The following LSM14A variants were observed in gnomAD, a reference collection of about 807,000 sequenced individuals.
LSM14A encodes the protein protein LSM14 homolog A.
In LSM14A, 14 loss-of-function variants were observed where a neutral mutation model predicts 52.4. That is an observed-to-expected ratio of 0.27 (90% confidence interval 0.18 to 0.42). LSM14A has a LOEUF of 0.42. Among genes scored for constraint, LSM14A ranks in the 10% least tolerant of loss-of-function variants. The pLI is 1.00. For synonymous variants in LSM14A, 185 were observed against 200.3 expected (o/e 0.92, Z 0.64); for missense variants, 417 against 581.8 (o/e 0.72, Z 2.91).
At chr19:34,215,071 A>T in intron 4 of LSM14A, 53 bp from the exon 5 acceptor site, 1 of 1,459,664 alleles carries the variant, frequency 6.9e-7, no homozygotes, top group South Asian at 1.3e-5. Context: ...TAGGGTCTAG[A>T]TTATTTTGAA....
At chr19:34,219,629 A>G (rs1568500298) in intron 7 of LSM14A, 56 bp downstream of exon 7, 1 of 1,561,128 alleles carries the variant, frequency 6.4e-7, no homozygotes, top group Admixed American at 1.8e-5. Context: ...TGAATTACAG[A>G]TGTTTCTCAG....
At chr19:34,226,428 C>T (rs1277426346) in intron 9 of LSM14A, 2 of 1,508,770 alleles carry the variant, frequency 1.3e-6, no homozygotes, top group East Asian at 2.5e-5. Flanking sequence ...CTTTTGGACC[C>T]TAAAAGGTCT....
At chr19:34,175,021 CTT>C (rs998850933) in intron 1 of LSM14A, among the ~76,000 whole-genome samples, 1 of 152,116 alleles carries the variant, frequency 6.6e-6, no homozygotes, top group African/African-American at 2.4e-5. Context: ...TTTTAAAAAA[CTT>C]TTCAGCAGCT....
At chr19:34,185,062 T>C (rs1410483298) in intron 1 of LSM14A, among the ~76,000 whole-genome samples, 1 of 152,242 alleles carries the variant, frequency 6.6e-6, no homozygotes, top group Non-Finnish European at 1.5e-5. Flanking sequence ...TCTCTAAAAT[T>C]TCAAATTGCC....
chr19:34,218,796 A>G (rs1395773804), intron 6 of LSM14A, among the ~76,000 whole-genome samples: 3 of 151,614 alleles, frequency 2.0e-5, no homozygotes, highest in Admixed American at 2.0e-4. Flanking sequence ...CTTGAATAAT[A>G]TAGAGCCATC....
chr19:34,210,018 T>C lies in LSM14A; in HGVS notation c.538+967T>C, dbSNP rs563714774. On this transcript the variant is annotated intron_variant, in intron 4 of 9. Coordinates refer to ENST00000544216, the MANE Select transcript of LSM14A (RefSeq NM_015578.4). ...CAGCCTTGTGCCACCATGCTCGGCT[T>C]TTCCTTATCTATTTTTATGCACTTT... Among the ~76,000 whole-genome samples the C allele has an allele frequency of 9.9e-5, 15 of 152,174 alleles. No individual in the cohort carries two copies. In the South Asian group the frequency reaches 2.9e-3, roughly 30 times the overall value.
intron 9 of LSM14A, among the ~76,000 whole-genome samples, chr19:34,222,551 T>A (rs2073122170): frequency 6.6e-6 from 1 of 152,064 alleles, no homozygotes; most frequent in Admixed American, 6.6e-5. Context: ...TTGTAAAGAG[T>A]TCCACTTGTA....
intron 3 of LSM14A, among the ~76,000 whole-genome samples, chr19:34,204,602 C>G (rs560459965): frequency 6.6e-6 from 1 of 151,808 alleles, no homozygotes; most frequent in Admixed American, 6.6e-5. Flanking sequence ...ACCTGTAGTC[C>G]TAGCACTCAG....
chr19:34,219,105 C>T (rs1482902834), intron 6 of LSM14A, among the ~76,000 whole-genome samples: 5 of 152,178 alleles, frequency 3.3e-5, no homozygotes, highest in African/African-American at 1.2e-4. Flanking sequence ...CAGAAGCCTC[C>T]ACACTTGCCT....
intron 4 of LSM14A, among the ~76,000 whole-genome samples, chr19:34,212,837 C>G (rs968827990): frequency 2.0e-5 from 3 of 152,118 alleles, no homozygotes; most frequent in Non-Finnish European, 4.4e-5. Context: ...GTACTTGCTC[C>G]GATTGCCCCA....
At chr19:34,221,248 AT>A (rs1199290210) in intron 8 of LSM14A, 31 of 431,436 alleles carry the variant, frequency 7.2e-5, no homozygotes, top group Non-Finnish European at 1.3e-4. Flanking sequence ...ATGCCCAGCT[AT>A]TTTTTGTATT....
At chr19:34,192,386 C>T (rs1272554738) in intron 1 of LSM14A, among the ~76,000 whole-genome samples, 1 of 121,492 alleles carries the variant, frequency 8.2e-6, no homozygotes, top group Non-Finnish European at 1.6e-5. Context: ...AGTGCAGGAG[C>T]GCCATCTTGG....
rs147628704 is a variant in LSM14A, at chr19:34,172,729, C to A, written c.87C>A (p.Ile29=). The change falls in exon 1 of 10, where the codon ATC becomes ATA. Residue 29 remains isoleucine (I), a synonymous_variant. Transcript: ENST00000544216. The stretch of plus-strand genomic sequence containing the variant: ...GCTACGAGGGCATCCTCTACACCAT[C>A]GACACCGAAAACTCCACCGTAGCCC... ...EIRYEGILYT[I]DTENSTVALA... 1.1e-4 allele frequency: 178 copies of A among 1,579,180 alleles called. No homozygotes were observed. Among genetic ancestry groups the A allele is most frequent in the Middle Eastern group, 3.3e-4 (2 of 5,976 alleles).
chr19:34,178,741 A>G (rs567452369), intron 1 of LSM14A, among the ~76,000 whole-genome samples: 30 of 152,222 alleles, frequency 2.0e-4, no homozygotes, highest in Non-Finnish European at 3.8e-4. Context: ...CATGTTCACA[A>G]TTGCATTTCC....
intron 1 of LSM14A, among the ~76,000 whole-genome samples, chr19:34,190,545 A>C (rs2145601266): frequency 6.6e-6 from 1 of 152,238 alleles, no homozygotes; most frequent in East Asian, 1.9e-4. Context: ...GCCAAAAAAA[A>C]AAAAAGTGTA....
At chr19:34,198,944 A>G (rs1367406384) in intron 3 of LSM14A, among the ~76,000 whole-genome samples, 3 of 151,988 alleles carry the variant, frequency 2.0e-5, no homozygotes, top group African/African-American at 4.8e-5. Context: ...CCAAGATCGT[A>G]CCACTGCACT....
chr19:34,192,319 G>GTTGTTGTTTTTTTTTTT (rs60512063), intron 1 of LSM14A, among the ~76,000 whole-genome samples: 3 of 53,410 alleles, frequency 5.6e-5, no homozygotes, highest in African/African-American at 1.6e-4. Context: ...TCTTTTTGTT[G>GTTGTTGTTTTTTTTTTT]TTTTTTTTTT....
At chr19:34,205,004 C>T (rs1344339476) in intron 3 of LSM14A, among the ~76,000 whole-genome samples, 1 of 152,002 alleles carries the variant, frequency 6.6e-6, no homozygotes, top group Non-Finnish European at 1.5e-5. Flanking sequence ...TCTTGGCATG[C>T]GCCTGTAGTC....
At chr19:34,209,089 C>G in intron 4 of LSM14A, 38 bp downstream of exon 4, 2 of 1,502,124 alleles carry the variant, frequency 1.3e-6, no homozygotes, top group Non-Finnish European at 1.8e-6. Context: ...CCATTCTAAA[C>G]TTTTATAGTG....
Sources: gnomAD v4.1 joint callset for allele counts (sites outside exome capture counted in the v4.1 genomes callset) on GRCh38, gnomAD v4.1.1 for gene constraint, MANE v1.5 for transcripts, NCBI Gene and HGNC (gene_info 2026-07-23, HGNC 2026-07-21) for gene names.